GRM4: variants seen among roughly 807,000 people sequenced by gnomAD.
The protein encoded by GRM4 is glutamate metabotropic receptor 4.
Under a neutral mutation model 81.7 loss-of-function variants are expected in GRM4, and 28 were observed. That is an observed-to-expected ratio of 0.34 (90% CI 0.25 to 0.47). GRM4 has a LOEUF of 0.47. Ranked by LOEUF, GRM4 falls within the 20% of genes least tolerant of loss-of-function variation. The pLI is 1.00. For missense variants in GRM4, 948 were observed against 1,290.0 expected (o/e 0.73, Z 4.06); for synonymous variants, 488 against 528.8 (o/e 0.92, Z 1.06).
rs1261647100 is a variant in GRM4, at chr6:34,064,091, C to T, written c.737-2063G>A. Among the ~76,000 whole-genome samples, 1 of 152,132 alleles carries T rather than the reference C, an allele frequency of 6.6e-6. No individual in the cohort carries two copies. The highest frequency in any genetic ancestry group is 1.9e-4 in the East Asian group (1 of 5,186). ...TGGTGAAGGAAGGATTAGGTGACCA[C>T]GGCTCAGTCAGCGGGAGTGTGAGTG... On this transcript the variant is annotated intron_variant, in intron 3 of 10. Transcript: ENST00000538487. This position sits in a 1 kb window ranked among gnomAD's most constrained non-coding sequence, Gnocchi z 4.4.
upstream of GRM4, among the ~76,000 whole-genome samples, chr6:34,149,033 G>A (rs1001870955): frequency 1.3e-5 from 2 of 152,196 alleles, no homozygotes; most frequent in Non-Finnish European, 2.9e-5. Flanking sequence ...TCATACCTGT[G>A]TGACCTGGAA....
chr6:34,044,423 TACAC>T (rs1203351509), intron 6 of GRM4, among the ~76,000 whole-genome samples: 6 of 113,418 alleles, frequency 5.3e-5, no homozygotes, highest in Non-Finnish European at 1.1e-4. Context: ...GACACACACA[TACAC>T]ACAGACATAC....
Position 34,090,498 on chromosome 6 carries a change from C to T in GRM4, c.736+1385G>A, listed in dbSNP as rs141683748. Among the ~76,000 whole-genome samples the T allele has an allele frequency of 9.7e-4, 148 of 152,176 alleles. 1 individual carries two copies. The East Asian group carries it at 0.015, about 16-fold the overall frequency. On this transcript the variant is annotated intron_variant, in intron 3 of 10. Transcript: ENST00000538487. The surrounding 1 kb of genome is among the most constrained non-coding windows in gnomAD (Gnocchi z 5.2). ...GCTCGGAGGCTCTGACACTGTCCGCCAGGGTTCCCAGGTGCTATTGCCAGC... is the reference window on the plus strand; with the variant it reads ...GCTCGGAGGCTCTGACACTGTCCGCTAGGGTTCCCAGGTGCTATTGCCAGC...
At chr6:34,138,590 C>A (rs909267219) in intron 1 of GRM4, among the ~76,000 whole-genome samples, 1 of 152,218 alleles carries the variant, frequency 6.6e-6, no homozygotes, top group African/African-American at 2.4e-5. Context: ...TCCATCCGGG[C>A]CCCCACTGGC....
intron 6 of GRM4, among the ~76,000 whole-genome samples, chr6:34,044,961 T>A (rs887299217): frequency 1.3e-5 from 2 of 151,278 alleles, no homozygotes; most frequent in African/African-American, 4.9e-5. Context: ...CATACACATA[T>A]ATACACATAC....
chr6:34,088,608 A>G lies in GRM4; in HGVS notation c.736+3275T>C, dbSNP rs562077110. Among the ~76,000 whole-genome samples the G allele has an allele frequency of 2.0e-5, 3 of 152,314 alleles. No homozygotes were observed. In the East Asian group the frequency reaches 5.8e-4, roughly 29 times the overall value. On this transcript the variant is annotated intron_variant, in intron 3 of 10. Coordinates refer to ENST00000538487, the MANE Select transcript of GRM4 (RefSeq NM_000841.4). ...TTCTGCAATGCAAGCTGGAGGAGACAGGGTGTATAGGTAGAGTACCTGGTC... is the reference window on the plus strand; with the variant it reads ...TTCTGCAATGCAAGCTGGAGGAGACGGGGTGTATAGGTAGAGTACCTGGTC...
rs1764744367 is a variant in GRM4 at position 34,036,959 on chromosome 6, TTGCTGCTC to T, written c.1507-364_1507-357del. On this transcript the variant is annotated intron_variant, in intron 8 of 10. Transcript: ENST00000538487. This position sits in a 1 kb window ranked among gnomAD's most constrained non-coding sequence, Gnocchi z 9.0. ...GTCCTGACTCTTAGCCCCTAAGGCC[TTGCTGCTC>T]ACAGTGGTCCCCAGGGCGGCAGCAG... Among the ~76,000 whole-genome samples, 1 of 152,184 alleles carries T rather than the reference TTGCTGCTC, an allele frequency of 6.6e-6. No individual in the cohort carries two copies. The highest frequency in any genetic ancestry group is 1.5e-5 in the Non-Finnish European group (1 of 68,038).
At chr6:34,151,756 G>A (rs373691823) in intron 1 of GRM4, among the ~76,000 whole-genome samples, 7 of 130,330 alleles carry the variant, frequency 5.4e-5, no homozygotes, top group South Asian at 2.4e-4. Flanking sequence ...TCCTTTTTCC[G>A]AGCTCTCCAC....
At chr6:34,122,343 C>T (rs1769843982) in intron 2 of GRM4, among the ~76,000 whole-genome samples, 1 of 152,070 alleles carries the variant, frequency 6.6e-6, no homozygotes, top group African/African-American at 2.4e-5. Flanking sequence ...GATAGACAGA[C>T]AGGGAAAGAG....
At chr6:34,141,337 C>T (rs944822032) in intron 1 of GRM4, among the ~76,000 whole-genome samples, 5 of 152,214 alleles carry the variant, frequency 3.3e-5, no homozygotes, top group African/African-American at 1.2e-4. Context: ...CTAGACACCA[C>T]GGCCTGCCTG....
rs61250644 is a variant in GRM4, at chr6:34,080,863, C to G, written c.736+11020G>C. Among the ~76,000 whole-genome samples the G allele has an allele frequency of 7.8e-6, 1 of 128,404 alleles. No homozygotes were observed. Among genetic ancestry groups the G allele is most frequent in the East Asian group, 2.1e-4 (1 of 4,848 alleles). The allele number at this position is 128,404 out of a possible 152,430, so 84.2% of individuals were successfully genotyped here. ...ACACACACATACACACACACATACACATACATATACACACACACACACACA... is the reference window on the plus strand; with the variant it reads ...ACACACACATACACACACACATACAGATACATATACACACACACACACACA... On this transcript the variant is annotated intron_variant, in intron 3 of 10. Transcript: ENST00000538487. This position sits in a 1 kb window ranked among gnomAD's most constrained non-coding sequence, Gnocchi z 5.4.
chr6:34,051,664 C>G (rs1038406119), intron 6 of GRM4, among the ~76,000 whole-genome samples: 2 of 152,042 alleles, frequency 1.3e-5, no homozygotes, highest in African/African-American at 2.4e-5. Flanking sequence ...GAGGCAGGCG[C>G]TATCTTCCCG....
intron 2 of GRM4, among the ~76,000 whole-genome samples, chr6:34,117,457 C>T (rs1769644577): frequency 6.6e-6 from 1 of 152,200 alleles, no homozygotes; most frequent in African/African-American, 2.4e-5. Context: ...GTGAAGTATA[C>T]TTGTGAGGTC....
At chr6:34,094,220 G>A (rs1768393589) in intron 2 of GRM4, among the ~76,000 whole-genome samples, 2 of 152,214 alleles carry the variant, frequency 1.3e-5, no homozygotes, top group South Asian at 4.1e-4. Flanking sequence ...CAAAACATGT[G>A]CATTGCCTCA....
chr6:34,053,912 C>A (rs188812217), intron 6 of GRM4, among the ~76,000 whole-genome samples: 45 of 152,332 alleles, frequency 3.0e-4, no homozygotes, highest in Non-Finnish European at 5.3e-4. Flanking sequence ...GGCCCCACCC[C>A]TAAGGTTCTG....
Position 34,130,309 on chromosome 6 carries a change from C to T in GRM4, c.519+2669G>A, listed in dbSNP as rs527799554. Among the ~76,000 whole-genome samples, 282 of 152,296 alleles carry T rather than the reference C, an allele frequency of 1.9e-3. No homozygotes were observed. The highest frequency in any genetic ancestry group is 6.5e-3 in the African/African-American group (269 of 41,550). Reference sequence around the variant, plus strand: ...TTTCTCCCCGCTGTCCCTCCCTTTCCTTGCTGTCCTGCTTTCTTCTCCACT... The same window carrying T: ...TTTCTCCCCGCTGTCCCTCCCTTTCTTTGCTGTCCTGCTTTCTTCTCCACT... On this transcript the variant is annotated intron_variant, in intron 2 of 10. Transcript: ENST00000538487. The surrounding 1 kb of genome is among the most constrained non-coding windows in gnomAD (Gnocchi z 4.1).
intron 9 of GRM4, among the ~76,000 whole-genome samples, chr6:34,033,090 C>T (rs547578820): frequency 6.6e-6 from 1 of 152,316 alleles, no homozygotes; most frequent in Non-Finnish European, 1.5e-5. Flanking sequence ...CACCTGCGCT[C>T]AGCAGGGAGG....
intron 3 of GRM4, among the ~76,000 whole-genome samples, chr6:34,079,949 C>A (rs1255379976): frequency 6.6e-6 from 1 of 152,194 alleles, no homozygotes; most frequent in African/African-American, 2.4e-5. Flanking sequence ...CTGCTCCTGA[C>A]CCTCCAACGG....
chr6:34,078,792 C>T lies in GRM4; in HGVS notation c.736+13091G>A, dbSNP rs372171532. Among the ~76,000 whole-genome samples the T allele has an allele frequency of 3.9e-5, 6 of 152,288 alleles. No individual in the cohort carries two copies. The highest frequency in any genetic ancestry group is 3.4e-3 in the Middle Eastern group (1 of 294). On this transcript the variant is annotated intron_variant, in intron 3 of 10. Transcript: ENST00000538487. This position sits in a 1 kb window ranked among gnomAD's most constrained non-coding sequence, Gnocchi z 4.8. ...CCAAGGCCTCCCTGGGGCCCCAAGCCGTCTGCAAGAGTCGTTAGCTTTCCT... is the reference window on the plus strand; with the variant it reads ...CCAAGGCCTCCCTGGGGCCCCAAGCTGTCTGCAAGAGTCGTTAGCTTTCCT...
Sources: allele counts gnomAD v4.1 joint callset (sites outside exome capture counted in the v4.1 genomes callset), GRCh38; gene constraint gnomAD v4.1.1; non-coding constraint Gnocchi (gnomAD v3.1); transcripts MANE v1.5; gene names NCBI Gene and HGNC (gene_info 2026-07-23, HGNC 2026-07-21).